Variants in FRMD5 observed in about 807,000 individuals in gnomAD.
The protein encoded by FRMD5 is FERM domain-containing protein 5.
In FRMD5, 20 loss-of-function variants were observed where a neutral mutation model predicts 69.0. The observed-to-expected ratio is 0.29, with a 90% CI of 0.20 to 0.42. FRMD5 has a LOEUF of 0.42. Ranked by LOEUF, FRMD5 falls within the 10% of genes least tolerant of loss-of-function variation. FRMD5 has a pLI of 1.00. For missense variants in FRMD5, 595 were observed against 708.6 expected (o/e 0.84, Z 1.82); for synonymous variants, 271 against 260.1 (o/e 1.04, Z -0.40).
chr15:44,179,908 G>A (rs1418743731), intron 1 of FRMD5, among the ~76,000 whole-genome samples: 2 of 152,138 alleles, frequency 1.3e-5, no homozygotes, highest in Non-Finnish European at 2.9e-5. Context: ...GCACAGTGGT[G>A]TGTGCCTATA....
chr15:44,194,172 T>C (rs906437553), intron 1 of FRMD5: 15 of 152,280 alleles, frequency 9.9e-5, no homozygotes, highest in African/African-American at 3.6e-4. Context: ...AGCAAGAGGT[T>C]GTAAAAATCC....
rs1186291421 is a variant in FRMD5, at chr15:43,872,411, C to T, written c.*1474G>A. 1 of 152,146 alleles carries T rather than the reference C, an allele frequency of 6.6e-6. No homozygotes were observed. The highest frequency in any genetic ancestry group is 6.5e-5 in the Admixed American group (1 of 15,272). The allele number at this position is 152,146 out of a possible 1,614,324, so 9.4% of individuals were successfully genotyped here. The stretch of plus-strand genomic sequence containing the variant: ...GGTCCAGGAATATGTCCATTGACCA[C>T]CCTTAAATAAGCCCTCAAGCCCCAG... On this transcript the variant is annotated 3_prime_UTR_variant, in exon 14 of 14. Transcript: ENST00000417257.
intron 1 of FRMD5, among the ~76,000 whole-genome samples, chr15:43,942,097 G>A (rs2140489832): frequency 6.6e-6 from 1 of 152,292 alleles, no homozygotes; most frequent in African/African-American, 2.4e-5. Flanking sequence ...TAGGGGTAGA[G>A]GGAGAGGAAG....
intron 1 of FRMD5, among the ~76,000 whole-genome samples, chr15:44,008,324 CA>C (rs1387448137): frequency 6.6e-6 from 1 of 151,900 alleles, no homozygotes; most frequent in Non-Finnish European, 1.5e-5. Context: ...AGTATAGTGG[CA>C]CCATCTCAGC....
At chr15:44,189,302 A>G (rs1161955851) in intron 1 of FRMD5, among the ~76,000 whole-genome samples, 1 of 152,178 alleles carries the variant, frequency 6.6e-6, no homozygotes, top group East Asian at 1.9e-4. Flanking sequence ...CTTGGTCAAA[A>G]TGTTGACAAC....
rs369799326 is a variant in FRMD5 at position 43,873,918 on chromosome 15, G to A, written c.1680C>T (p.Ile560=). 6.1e-5 allele frequency: 99 copies of A among 1,614,030 alleles called. No individual in the cohort carries two copies. The highest frequency in any genetic ancestry group is 8.1e-5 in the Non-Finnish European group (95 of 1,180,032). The stretch of plus-strand genomic sequence containing the variant: ...CAATGAGCAGGCTCACCACTGAGCG[G>A]ATTTTGCAGGCAAACCATCGCCTGA... ...CPLRRWFACK[I]RSVVSLLIDT is the part of the protein sequence containing the mutation. Residue 560 remains isoleucine (I), a synonymous_variant, in exon 14 of 14, where the codon ATC becomes ATT. Coordinates refer to ENST00000417257, the MANE Select transcript of FRMD5 (RefSeq NM_032892.5).
intron 1 of FRMD5, among the ~76,000 whole-genome samples, chr15:43,932,722 T>C (rs2089696092): frequency 6.6e-6 from 1 of 152,210 alleles, no homozygotes; most frequent in Non-Finnish European, 1.5e-5. Context: ...CTATGGGAGC[T>C]ACCTGTAGCA....
chr15:44,081,147 C>T (rs914219721), intron 1 of FRMD5, among the ~76,000 whole-genome samples: 9 of 152,106 alleles, frequency 5.9e-5, no homozygotes, highest in African/African-American at 2.2e-4. Context: ...TTTGGGAACA[C>T]TTCAACTAAC....
rs2089064565 is a variant in FRMD5 at position 43,902,268 on chromosome 15, A to G, written c.552-6T>C. On this transcript the variant is annotated splice_polypyrimidine_tract_variant and splice_region_variant and intron_variant, in intron 6 of 13. Transcript: ENST00000417257. Reference sequence around the variant, plus strand: ...ATGTTGCTGGTGTTTGACCACTGGAATAAAGAAGATGAGATGATTTCAAGG... The same window carrying G: ...ATGTTGCTGGTGTTTGACCACTGGAGTAAAGAAGATGAGATGATTTCAAGG... The G allele has an allele frequency of 1.2e-5, 20 of 1,610,156 alleles. No homozygotes were observed. The highest frequency in any genetic ancestry group is 1.6e-5 in the Non-Finnish European group (19 of 1,176,352).
rs147536398 is a variant in FRMD5 at position 43,886,450 on chromosome 15, A to T, written c.885-695T>A. 4.4e-3 allele frequency among the ~76,000 whole-genome samples: 676 copies of T among 152,318 alleles called. 4 individuals are homozygous for T. Among genetic ancestry groups the T allele is most frequent in the African/African-American group, 0.015 (637 of 41,566 alleles). On this transcript the variant is annotated intron_variant, in intron 10 of 13. Transcript: ENST00000417257. ...TTATATCTCGTTTGAAGCTGCAGAC[A>T]GCCGATGTGGAGCTCTGTAATACTT...
intron 1 of FRMD5, among the ~76,000 whole-genome samples, chr15:44,006,923 A>G (rs1890477668): frequency 6.6e-6 from 1 of 152,252 alleles, no homozygotes; most frequent in African/African-American, 2.4e-5. Flanking sequence ...ATTGACTCCA[A>G]TTTTGAAAGA....
chr15:43,991,685 C>A (rs893426329), intron 1 of FRMD5, among the ~76,000 whole-genome samples: 2 of 152,130 alleles, frequency 1.3e-5, no homozygotes, highest in African/African-American at 4.8e-5. Flanking sequence ...CACAAAAAAT[C>A]CACAATCTCG....
intron 1 of FRMD5, among the ~76,000 whole-genome samples, chr15:44,110,421 T>C (rs1426755735): frequency 2.0e-5 from 3 of 152,332 alleles, no homozygotes; most frequent in Middle Eastern, 3.4e-3. Context: ...AGGAGTGTGA[T>C]TGCTAGATTA....
chr15:43,951,851 GAAC>G (rs2090034555), intron 1 of FRMD5, among the ~76,000 whole-genome samples: 1 of 152,182 alleles, frequency 6.6e-6, no homozygotes, highest in Non-Finnish European at 1.5e-5. Context: ...GAAAATGAAC[GAAC>G]AACAACACAA....
chr15:44,184,081 C>A (rs1001696161), intron 1 of FRMD5, among the ~76,000 whole-genome samples: 3 of 152,102 alleles, frequency 2.0e-5, no homozygotes, highest in Non-Finnish European at 2.9e-5. Flanking sequence ...GGCTCTCACT[C>A]CAACCCCTCT....
At chr15:44,194,669 G>C (rs2078254490) in intron 1 of FRMD5, 1 of 477,424 alleles carries the variant, frequency 2.1e-6, no homozygotes, top group Admixed American at 3.9e-5. Flanking sequence ...GCGGGCTCGA[G>C]GAACCAGGAC....
At chr15:43,884,840 G>A (rs1434461325) in intron 11 of FRMD5, 45 bp from the exon 12 acceptor site, 2 of 1,508,034 alleles carry the variant, frequency 1.3e-6, no homozygotes, top group South Asian at 1.1e-5. Context: ...ATGAGACTGT[G>A]TTGTAGGACA....
chr15:44,068,503 A>G (rs1160142668), intron 1 of FRMD5, among the ~76,000 whole-genome samples: 1 of 152,212 alleles, frequency 6.6e-6, no homozygotes, highest in Non-Finnish European at 1.5e-5. Flanking sequence ...AAGGCCACTT[A>G]GTGCAGAATT....
intron 1 of FRMD5, among the ~76,000 whole-genome samples, chr15:44,032,502 C>T (rs1396881393): frequency 1.3e-5 from 2 of 151,930 alleles, no homozygotes; most frequent in African/African-American, 4.8e-5. Flanking sequence ...CTTAAATTTA[C>T]AAGAAAAAAC....
Sources: gnomAD v4.1 joint callset for allele counts (sites outside exome capture counted in the v4.1 genomes callset) on GRCh38, gnomAD v4.1.1 for gene constraint, MANE v1.5 for transcripts, NCBI Gene and HGNC (gene_info 2026-07-23, HGNC 2026-07-21) for gene names.